Variants in SRF observed in about 807,000 individuals in gnomAD.
SRF encodes the protein c-fos serum response element-binding transcription factor.
Under a neutral mutation model 37.1 loss-of-function variants are expected in SRF, and 7 were observed. That is an observed-to-expected ratio of 0.19 (90% CI 0.11 to 0.35). The LOEUF is 0.35. SRF is among the 10% of genes least tolerant of loss of function. SRF has a pLI of 1.00. For synonymous variants in SRF, 285 were observed against 310.1 expected (o/e 0.92, Z 0.85); for missense variants, 395 against 694.4 (o/e 0.57, Z 4.85).
chr6:43,178,613 G>T lies in SRF; in HGVS notation c.1354+128G>T. The T allele has an allele frequency of 7.4e-7, 1 of 1,348,502 alleles. No individual in the cohort carries two copies. Among genetic ancestry groups the T allele is most frequent in the Non-Finnish European group, 1.0e-6 (1 of 970,316 alleles). The allele number at this position is 1,348,502 out of a possible 1,614,324, so 83.5% of individuals were successfully genotyped here. A position where few individuals can be genotyped will look rare whatever the true frequency, so the allele number is the denominator to read the frequency against. On this transcript the variant is annotated intron_variant, in intron 5 of 6. Coordinates refer to ENST00000265354, the MANE Select transcript of SRF (RefSeq NM_003131.4). The surrounding 1 kb of genome is among the most constrained non-coding windows in gnomAD (Gnocchi z 4.3). Reference sequence around the variant, plus strand: ...TCTACCCAAATACAACACAGACTTGGATGCTCACACACACATTTGGACACC... The same window carrying T: ...TCTACCCAAATACAACACAGACTTGTATGCTCACACACACATTTGGACACC...
Position 43,173,824 on chromosome 6 carries a change from C to G in SRF, c.514-23C>G, listed in dbSNP as rs765089960. Reference sequence around the variant, plus strand: ...AGAGATAAAAAGTTTGCTGACCTGCCCATCTCCCTCCTCACCCCTCAGGCC... The same window carrying G: ...AGAGATAAAAAGTTTGCTGACCTGCGCATCTCCCTCCTCACCCCTCAGGCC... On this transcript the variant is annotated intron_variant, in intron 1 of 6. Transcript: ENST00000265354. This position sits in a 1 kb window ranked among gnomAD's most constrained non-coding sequence, Gnocchi z 4.2. The G allele has an allele frequency of 3.6e-5, 58 of 1,604,696 alleles. No homozygotes were observed. Among genetic ancestry groups the G allele is most frequent in the Non-Finnish European group, 4.9e-5 (58 of 1,173,588 alleles).
Position 43,172,488 on chromosome 6 carries a change from G to A in SRF, c.513+319G>A, listed in dbSNP as rs1055945182. ...TGATGGGAGGCTACGAGGCTGCCGG[G>A]GAGGTGGATAATGAGAACCCGGGAT... is the stretch of plus-strand genomic sequence containing the variant. On this transcript the variant is annotated intron_variant, in intron 1 of 6. Transcript: ENST00000265354. This position sits in a 1 kb window ranked among gnomAD's most constrained non-coding sequence, Gnocchi z 5.7. 5 of 984,170 alleles carry A rather than the reference G, an allele frequency of 5.1e-6. No individual in the cohort carries two copies. The highest frequency in any genetic ancestry group is 4.8e-6 in the Non-Finnish European group (4 of 828,754). The allele number at this position is 984,170 out of a possible 1,614,324, so 61.0% of individuals were successfully genotyped here.
chr6:43,172,680 G>A lies in SRF; in HGVS notation c.513+511G>A, dbSNP rs1474895285. 6.6e-6 allele frequency among the ~76,000 whole-genome samples: 1 copy of A among 152,196 alleles called. No homozygotes were observed. Among genetic ancestry groups the A allele is most frequent in the African/African-American group, 2.4e-5 (1 of 41,438 alleles). On this transcript the variant is annotated intron_variant, in intron 1 of 6. Transcript: ENST00000265354. The surrounding 1 kb of genome is among the most constrained non-coding windows in gnomAD (Gnocchi z 5.7). The stretch of plus-strand genomic sequence containing the variant: ...TAGTGCTGGTTGGAAGGACAGGCAG[G>A]GTTAGGGACCAGGTAAGGGAGCGGG...
At chr6:43,174,202 A>G in intron 2 of SRF, 89 bp downstream of exon 2, 2 of 1,499,346 alleles carry the variant, frequency 1.3e-6, no homozygotes, top group South Asian at 1.3e-5. Context: ...GTGCCCACCG[A>G]TGTGGAGTGG....
rs765863665 is a variant in SRF, at chr6:43,175,719, C to T, written c.794C>T (p.Pro265Leu). ...CTCTGGGTATAGGACACACTGAAGC[C>T]GGCGTTCACAGTCACCAACCTGCCG... ...SSGETKDTLKPAFTVTNLPGT... is the reference protein window; with the variant it reads ...SSGETKDTLKLAFTVTNLPGT... The change falls in exon 3 of 7, where the codon CCG becomes CTG. Residue 265 changes from proline to leucine, a missense_variant. Pro to Leu is a moderately conservative substitution (Grantham distance 98). Coordinates refer to ENST00000265354, the MANE Select transcript of SRF (RefSeq NM_003131.4). 5 of 1,614,016 alleles carry T rather than the reference C, an allele frequency of 3.1e-6. No individual in the cohort carries two copies. The highest frequency in any genetic ancestry group is 2.2e-5 in the East Asian group (1 of 44,896).
rs1363052544 is a variant in SRF at position 43,173,026 on chromosome 6, C to T, written c.514-821C>T. On this transcript the variant is annotated intron_variant, in intron 1 of 6. Coordinates refer to ENST00000265354, the MANE Select transcript of SRF (RefSeq NM_003131.4). This position sits in a 1 kb window ranked among gnomAD's most constrained non-coding sequence, Gnocchi z 4.2. ...GGAACTGGGAGACAAGGAGCTGGAT[C>T]CTTGGGAACACTGGCTGGTGTTTAT... Among the ~76,000 whole-genome samples the T allele has an allele frequency of 6.6e-6, 1 of 152,124 alleles. No homozygotes were observed. The highest frequency in any genetic ancestry group is 1.5e-5 in the Non-Finnish European group (1 of 68,034).
chr6:43,175,306 T>C (rs1261507528), intron 2 of SRF, among the ~76,000 whole-genome samples: 1 of 152,198 alleles, frequency 6.6e-6, no homozygotes, highest in Non-Finnish European at 1.5e-5. Flanking sequence ...GGAACAGACC[T>C]TGGTGTCCTG....
At chr6:43,177,245 T>TTTTTTTTTTTTTTTTTG in intron 4 of SRF, among the ~76,000 whole-genome samples, 1 of 149,250 alleles carries the variant, frequency 6.7e-6, no homozygotes, top group Non-Finnish European at 1.5e-5. Flanking sequence ...TTTTTTTTTT[T>TTTTTTTTTTTTTTTTTG]GAGACGGAGT....
chr6:43,177,254 G>C, intron 4 of SRF, among the ~76,000 whole-genome samples: 1 of 88,308 alleles, frequency 1.1e-5, no homozygotes, highest in East Asian at 5.0e-4. Flanking sequence ...TTGAGACGGA[G>C]TCTCGCTCTC....
chr6:43,171,467 A>T lies in SRF; in HGVS notation c.-190A>T. 2.0e-6 allele frequency: 1 copy of T among 493,504 alleles called. No individual in the cohort carries two copies. The highest frequency in any genetic ancestry group is 3.0e-6 in the Non-Finnish European group (1 of 338,580). 30.6% of individuals were successfully genotyped at this position (493,504 alleles called of 1,614,324 possible). ...CGCGGCCTGGGGCAACCCGGGCCAC[A>T]GGGGCAGGAAAGTGAGGGCCCAGGT... On this transcript the variant is annotated 5_prime_UTR_variant, in exon 1 of 7. Coordinates refer to ENST00000265354, the MANE Select transcript of SRF (RefSeq NM_003131.4). The surrounding 1 kb of genome is among the most constrained non-coding windows in gnomAD (Gnocchi z 6.5).
Position 43,180,263 on chromosome 6 carries a change from G to A in SRF, c.*1073G>A, listed in dbSNP as rs1772286600. 6.6e-6 allele frequency: 1 copy of A among 151,826 alleles called. No individual in the cohort carries two copies. Among genetic ancestry groups the A allele is most frequent in the Non-Finnish European group, 1.5e-5 (1 of 68,026 alleles). 9.4% of individuals were successfully genotyped at this position (151,826 alleles called of 1,614,324 possible). A position where few individuals can be genotyped will look rare whatever the true frequency, so the allele number is the denominator to read the frequency against. Reference sequence around the variant, plus strand: ...GGGAAGAGGGAGACCAAATGTCGGGGTTGGGGTGGGAGGGCGTCAGGCAGA... The same window carrying A: ...GGGAAGAGGGAGACCAAATGTCGGGATTGGGGTGGGAGGGCGTCAGGCAGA... On this transcript the variant is annotated 3_prime_UTR_variant, in exon 7 of 7. Transcript: ENST00000265354.
Position 43,171,538 on chromosome 6 carries a change from C to T in SRF, c.-119C>T, listed in dbSNP as rs1582251180. 5 of 1,089,460 alleles carry T rather than the reference C, an allele frequency of 4.6e-6. No homozygotes were observed. The East Asian group carries it at 1.1e-4, about 25-fold the overall frequency. The allele number at this position is 1,089,460 out of a possible 1,614,324, so 67.5% of individuals were successfully genotyped here. On this transcript the variant is annotated 5_prime_UTR_variant, in exon 1 of 7. Transcript: ENST00000265354. The surrounding 1 kb of genome is among the most constrained non-coding windows in gnomAD (Gnocchi z 6.5). ...CCCGGGTTCGCAGCGGCGGCCGCGG[C>T]AGCGATAGCGGCACTAGCAGCAGCG...
chr6:43,176,396 T>C lies in SRF; in HGVS notation c.1043-152T>C. 3.3e-6 allele frequency: 4 copies of C among 1,210,240 alleles called. No homozygotes were observed. Among genetic ancestry groups the C allele is most frequent in the Admixed American group, 2.1e-5 (1 of 46,798 alleles). The allele number at this position is 1,210,240 out of a possible 1,614,324, so 75.0% of individuals were successfully genotyped here. On this transcript the variant is annotated intron_variant, in intron 3 of 6. Transcript: ENST00000265354. The surrounding 1 kb of genome is among the most constrained non-coding windows in gnomAD (Gnocchi z 4.0). ...GCGTGGAAGCCCCCAGAGTGGATAC[T>C]TGGGCCTGAAGGGCCTCTTTGGCTT...
intron 4 of SRF, among the ~76,000 whole-genome samples, chr6:43,177,600 G>T (rs1772227405): frequency 6.6e-6 from 1 of 150,548 alleles, no homozygotes; most frequent in South Asian, 2.1e-4. Flanking sequence ...TTTGAAAGAT[G>T]AATTTGTTAG....
At position 43,177,952 on chromosome 6, in the gene SRF, T is replaced by C. The variant is rs563144066; in HGVS notation, c.1163-342T>C. Among the ~76,000 whole-genome samples the C allele has an allele frequency of 2.7e-4, 39 of 146,384 alleles. 1 individual carries two copies. The South Asian group carries it at 8.5e-3, about 32-fold the overall frequency. ...AAAAAGGAGGGAGAATGAGAACAAA[T>C]AAAAAATAAGATGTTAGAGCTCCTA... On this transcript the variant is annotated intron_variant, in intron 4 of 6. Transcript: ENST00000265354.
At position 43,180,452 on chromosome 6, in the gene SRF, A is replaced by C. The variant is rs1043925837; in HGVS notation, c.*1262A>C. The C allele has an allele frequency of 6.5e-6, 1 of 152,686 alleles. No individual in the cohort carries two copies. The highest frequency in any genetic ancestry group is 2.4e-5 in the African/African-American group (1 of 41,454). 9.5% of individuals were successfully genotyped at this position (152,686 alleles called of 1,614,324 possible). ...GAAGTGGGAGCAGCTTCTTGGGCTG[A>C]GTGCAGCCAAAGGGGAGCCAGAAAT... On this transcript the variant is annotated 3_prime_UTR_variant, in exon 7 of 7. Transcript: ENST00000265354.
In SRF at chr6:43,173,964, G is replaced by A; in HGVS notation, c.631G>A (p.Gly211Ser). Residue 211 changes from glycine to serine, a missense_variant, in exon 2 of 7, where the codon GGC becomes AGC. By Grantham distance (56) the Gly-to-Ser change is moderately conservative (BLOSUM62 0). This residue lies in a region of SRF where 9 missense variants were observed against 117.1 expected (regional missense o/e 0.08). Transcript: ENST00000265354. The surrounding 1 kb of genome is among the most constrained non-coding windows in gnomAD (Gnocchi z 4.2). ...KLQPMITSET[G>S]KALIQTCLNS... ...GCAGCCCATGATCACCAGTGAGACC[G>A]GCAAGGCACTGATTCAGACCTGCCT... 1 of 1,614,088 alleles carries A rather than the reference G, an allele frequency of 6.2e-7. No individual in the cohort carries two copies. The highest frequency in any genetic ancestry group is 8.5e-7 in the Non-Finnish European group (1 of 1,180,006).
In SRF at chr6:43,178,157, G is replaced by A; in HGVS notation, c.1163-137G>A. The A allele has an allele frequency of 5.2e-6, 4 of 773,930 alleles. No individual in the cohort carries two copies. Among genetic ancestry groups the A allele is most frequent in the Non-Finnish European group, 5.9e-6 (3 of 510,064 alleles). The allele number at this position is 773,930 out of a possible 1,614,324, so 47.9% of individuals were successfully genotyped here. A position where few individuals can be genotyped will look rare whatever the true frequency, so the allele number is the denominator to read the frequency against. ...AAATAGGCTTTTCTTAGTTGATGAT[G>A]GAGCTGAGGAATAGTCGTGTCTAGC... On this transcript the variant is annotated intron_variant, in intron 4 of 6. Transcript: ENST00000265354. The surrounding 1 kb of genome is among the most constrained non-coding windows in gnomAD (Gnocchi z 4.3).
rs544658252 is a variant in SRF at position 43,177,228 on chromosome 6, G to GTTTTTTTTTTTTTTTTTTTTTTTT, written c.1162+578_1162+579insTTTTTTTTTTTTTTTTTTTTTTTT. ...CCCCAAACCTAGTGAATCGGAGTCT[G>GTTTTTTTTTTTTTTTTTTTTTTTT]TTTTTTTTTTTTTTTTTGAGACGGA... On this transcript the variant is annotated intron_variant, in intron 4 of 6. Transcript: ENST00000265354. Among the ~76,000 whole-genome samples the GTTTTTTTTTTTTTTTTTTTTTTTT allele has an allele frequency of 3.9e-4, 46 of 116,794 alleles. 6 individuals carry two copies. Among genetic ancestry groups the GTTTTTTTTTTTTTTTTTTTTTTTT allele is most frequent in the African/African-American group, 7.3e-4 (19 of 26,180 alleles). The allele number at this position is 116,794 out of a possible 152,430, so 76.6% of individuals were successfully genotyped here. A position where few individuals can be genotyped will look rare whatever the true frequency, so the allele number is the denominator to read the frequency against.
Sources: gnomAD v4.1 joint callset for allele counts (sites outside exome capture counted in the v4.1 genomes callset) on GRCh38, gnomAD v4.1.1 for gene constraint, gnomAD v4.1.1 regional missense constraint, Gnocchi (gnomAD v3.1) non-coding constraint, MANE v1.5 for transcripts, NCBI Gene and HGNC (gene_info 2026-07-23, HGNC 2026-07-21) for gene names.